The following CSMD1 variants were observed in gnomAD, a reference collection of about 807,000 sequenced individuals.
The protein encoded by CSMD1 is CUB and sushi domain-containing protein 1.
In CSMD1, 213 loss-of-function variants were observed where a neutral mutation model predicts 417.5. That is an observed-to-expected ratio of 0.51 (90% CI 0.46 to 0.57). The LOEUF is 0.57. CSMD1 is among the 20% of genes least tolerant of loss of function. CSMD1 has a pLI of 0.00. For synonymous variants in CSMD1, 2,862 were observed against 1,736.8 expected (o/e 1.65, Z -16.11); for missense variants, 6,923 against 4,529.7 (o/e 1.53, Z -15.17).
At chr8:4,194,460 A>T (rs1288997146) in intron 3 of CSMD1, among the ~76,000 whole-genome samples, 1 of 152,184 alleles carries the variant, frequency 6.6e-6, no homozygotes, top group Non-Finnish European at 1.5e-5. Flanking sequence ...CCTGAATTAC[A>T]ATAGCGCCCT....
intron 12 of CSMD1, among the ~76,000 whole-genome samples, chr8:3,452,778 CT>C (rs955942094): frequency 6.6e-6 from 1 of 152,036 alleles, no homozygotes; most frequent in African/African-American, 2.4e-5. Context: ...CTAAAATTCT[CT>C]TTTTTTGTTG....
intron 23 of CSMD1, among the ~76,000 whole-genome samples, chr8:3,311,875 A>T (rs1191359905): frequency 6.6e-6 from 1 of 152,188 alleles, no homozygotes; most frequent in Non-Finnish European, 1.5e-5. Flanking sequence ...TTATAGCCAT[A>T]AGCTCTACAA....
At chr8:4,054,456 C>G (rs944824208) in intron 3 of CSMD1, among the ~76,000 whole-genome samples, 3 of 152,148 alleles carry the variant, frequency 2.0e-5, no homozygotes, top group African/African-American at 7.2e-5. Context: ...AAGCAAACTT[C>G]TTCTTAGCAA....
At chr8:3,332,950 A>T (rs906804705) in intron 23 of CSMD1, among the ~76,000 whole-genome samples, 4 of 152,208 alleles carry the variant, frequency 2.6e-5, no homozygotes, top group African/African-American at 7.2e-5. Flanking sequence ...GTTTGTCAAG[A>T]TACGGAGCCT....
chr8:4,369,884 C>T (rs546619776), intron 3 of CSMD1, among the ~76,000 whole-genome samples: 1 of 152,026 alleles, frequency 6.6e-6, no homozygotes, highest in African/African-American at 2.4e-5. Flanking sequence ...GCTTCTTTAC[C>T]CAACTTTCCA....
At position 3,703,696 on chromosome 8, in the gene CSMD1, A is replaced by C. The variant is rs189630385; in HGVS notation, c.1009+4718T>G. The stretch of plus-strand genomic sequence containing the variant: ...AGCCTGCAGGATGTGCACGACTTCC[A>C]AACACAGGCACTTTCATCTTTCAAG... On this transcript the variant is annotated intron_variant, in intron 7 of 69. Coordinates refer to ENST00000635120, the MANE Select transcript of CSMD1 (RefSeq NM_033225.6). Among the ~76,000 whole-genome samples the C allele has an allele frequency of 1.0e-3, 153 of 152,324 alleles. 1 individual carries two copies. The highest frequency in any genetic ancestry group is 3.4e-3 in the Middle Eastern group (1 of 294).
intron 2 of CSMD1, among the ~76,000 whole-genome samples, chr8:4,509,183 C>G (rs1259926269): frequency 2.6e-5 from 4 of 152,036 alleles, no homozygotes; most frequent in African/African-American, 9.7e-5. Context: ...TTCTTTTTAA[C>G]AAAATCATCC....
At chr8:3,475,176 C>T (rs142702110) in intron 11 of CSMD1, among the ~76,000 whole-genome samples, 2,068 of 145,964 alleles carry the variant, frequency 0.014, 28 homozygotes, top group Admixed American at 0.02. Context: ...TTCTTAGCCT[C>T]TTGAAGCCAG....
intron 17 of CSMD1, 45 bp from the exon 18 acceptor site, chr8:3,387,727 G>A (rs963147211): frequency 6.7e-7 from 1 of 1,498,344 alleles, no homozygotes; most frequent in Non-Finnish European, 9.1e-7. Context: ...CTTTCTGGTT[G>A]ATTGAAAATA....
chr8:3,990,641 C>G (rs1268997216), intron 5 of CSMD1, among the ~76,000 whole-genome samples: 1 of 152,004 alleles, frequency 6.6e-6, no homozygotes, highest in Non-Finnish European at 1.5e-5. Context: ...TTTACTTAAC[C>G]CGAATTAAAG....
chr8:3,290,096 T>C lies in CSMD1; in HGVS notation c.3951-5750A>G, dbSNP rs567478831. Among the ~76,000 whole-genome samples the C allele has an allele frequency of 6.0e-4, 88 of 147,120 alleles. 14 individuals carry two copies. Among genetic ancestry groups the C allele is most frequent in the African/African-American group, 2.2e-3 (83 of 37,002 alleles). On this transcript the variant is annotated intron_variant, in intron 25 of 69. Transcript: ENST00000635120. ...TATTAAATAGGGAATGCTTTCCCCATTGCTTGTTTTTGTCAGGTTTGTCAA... is the reference window on the plus strand; with the variant it reads ...TATTAAATAGGGAATGCTTTCCCCACTGCTTGTTTTTGTCAGGTTTGTCAA...
In CSMD1 at chr8:4,759,619, G is replaced by GTGTTCTCA. The variant is rs1359784321; in HGVS notation, c.86-122069_86-122062dup. Among the ~76,000 whole-genome samples, 3 of 152,158 alleles carry GTGTTCTCA rather than the reference G, an allele frequency of 2.0e-5. 1 individual carries two copies. The highest frequency in any genetic ancestry group is 6.8e-3 in the Middle Eastern group (2 of 294). On this transcript the variant is annotated intron_variant, in intron 1 of 69. Coordinates refer to ENST00000635120, the MANE Select transcript of CSMD1 (RefSeq NM_033225.6). ...GTGTTGTTCCCCTCCCTACGTCCAT[G>GTGTTCTCA]TGTTCTCATTGCTCAACTCCCACTT... is the stretch of plus-strand genomic sequence containing the variant.
chr8:4,836,074 A>G (rs977958389), intron 1 of CSMD1, among the ~76,000 whole-genome samples: 3 of 152,190 alleles, frequency 2.0e-5, no homozygotes, highest in Admixed American at 2.0e-4. Flanking sequence ...AATATTGGAC[A>G]TACACAAGTA....
intron 7 of CSMD1, among the ~76,000 whole-genome samples, chr8:3,685,289 A>C (rs1799890356): frequency 6.6e-6 from 1 of 152,182 alleles, no homozygotes; most frequent in African/African-American, 2.4e-5. Flanking sequence ...GTTGAGTTTA[A>C]TGACTCGGCA....
intron 5 of CSMD1, among the ~76,000 whole-genome samples, chr8:3,826,678 C>T (rs1802073903): frequency 6.6e-6 from 1 of 152,198 alleles, no homozygotes; most frequent in Non-Finnish European, 1.5e-5. Context: ...TTTGAGGAAC[C>T]AACTCTGACT....
At chr8:3,318,469 G>A (rs1274979243) in intron 23 of CSMD1, among the ~76,000 whole-genome samples, 1 of 152,140 alleles carries the variant, frequency 6.6e-6, no homozygotes. Flanking sequence ...TTGCTCACCA[G>A]AAACTCATAG....
intron 21 of CSMD1, among the ~76,000 whole-genome samples, chr8:3,352,187 C>A (rs1220167954): frequency 2.0e-5 from 3 of 152,174 alleles, no homozygotes; most frequent in African/African-American, 7.2e-5. Flanking sequence ...GGCACACTCT[C>A]AGGTGCAAGA....
intron 2 of CSMD1, among the ~76,000 whole-genome samples, chr8:4,466,647 T>C (rs1430050210): frequency 6.6e-6 from 1 of 152,204 alleles, no homozygotes; most frequent in Non-Finnish European, 1.5e-5. Context: ...AAATGTTTAA[T>C]TTTTCAGAAC....
At position 4,645,571 on chromosome 8, in the gene CSMD1, C is replaced by G. The variant is rs542031118; in HGVS notation, c.86-8013G>C. On this transcript the variant is annotated intron_variant, in intron 1 of 69. Transcript: ENST00000635120. The stretch of plus-strand genomic sequence containing the variant: ...CATATTGCCTCATGGATATGAGCCC[C>G]AGTTTCCACAGGTGCGGGATGACGA... Among the ~76,000 whole-genome samples the G allele has an allele frequency of 4.6e-5, 7 of 151,664 alleles. No homozygotes were observed. The East Asian group carries it at 1.4e-3, about 29-fold the overall frequency.
Sources: allele counts gnomAD v4.1 joint callset (sites outside exome capture counted in the v4.1 genomes callset), GRCh38; gene constraint gnomAD v4.1.1; transcripts MANE v1.5; gene names NCBI Gene and HGNC (gene_info 2026-07-23, HGNC 2026-07-21).